The following KCND2 variants were observed in gnomAD, a reference collection of about 807,000 sequenced individuals.
KCND2 encodes A-type voltage-gated potassium channel KCND2.
A neutral mutation model predicts 54.4 loss-of-function variants in KCND2; 16 were observed. The ratio of observed to expected loss-of-function variants is 0.29; its 90% CI spans 0.20 to 0.45. KCND2 has a LOEUF of 0.45. KCND2 is among the 20% of genes least tolerant of loss of function. The pLI is 1.00. For missense variants in KCND2, 486 were observed against 824.2 expected (o/e 0.59, Z 5.02); for synonymous variants, 317 against 310.7 (o/e 1.02, Z -0.21).
chr7:120,430,315 G>A (rs142761022), intron 1 of KCND2, among the ~76,000 whole-genome samples: 297 of 152,060 alleles, frequency 2.0e-3, no homozygotes, highest in African/African-American at 6.6e-3. Context: ...ACTCTAGAGC[G>A]CAACTATTAT....
intron 1 of KCND2, among the ~76,000 whole-genome samples, chr7:120,683,446 G>A (rs946067072): frequency 2.0e-5 from 3 of 152,068 alleles, no homozygotes; most frequent in African/African-American, 7.2e-5. Context: ...CACAATAGAA[G>A]CACTAATTTG....
chr7:120,681,847 T>C (rs1026402652), intron 1 of KCND2, among the ~76,000 whole-genome samples: 4 of 152,154 alleles, frequency 2.6e-5, no homozygotes, highest in African/African-American at 9.6e-5. Flanking sequence ...CGAATGTCCA[T>C]ATAAAATGGC....
At chr7:120,567,947 T>C (rs1219641622) in intron 1 of KCND2, among the ~76,000 whole-genome samples, 1 of 152,132 alleles carries the variant, frequency 6.6e-6, no homozygotes, top group Non-Finnish European at 1.5e-5. Context: ...CAATGATGCA[T>C]GTAATATTCT....
intron 1 of KCND2, among the ~76,000 whole-genome samples, chr7:120,420,556 A>G (rs62472263): frequency 0.1 from 15,563 of 152,200 alleles, 832 homozygotes; most frequent in Admixed American, 0.13. Flanking sequence ...GCAGAGAGGT[A>G]CTGGGTGCTT....
intron 1 of KCND2, among the ~76,000 whole-genome samples, chr7:120,475,345 C>G (rs1347612910): frequency 6.6e-6 from 1 of 152,132 alleles, no homozygotes; most frequent in Non-Finnish European, 1.5e-5. Context: ...GCACATTGTA[C>G]TTTTCATCAC....
chr7:120,687,942 G>A (rs943008594), intron 1 of KCND2, among the ~76,000 whole-genome samples: 1 of 152,120 alleles, frequency 6.6e-6, no homozygotes, highest in African/African-American at 2.4e-5. Context: ...CATAATAAGG[G>A]TAGACAGGTA....
intron 1 of KCND2, among the ~76,000 whole-genome samples, chr7:120,351,365 TACACACACACACACACACAC>T (rs59756091): frequency 3.4e-4 from 32 of 94,776 alleles, no homozygotes; most frequent in African/African-American, 1.1e-3. Flanking sequence ...TCGAAGAGCA[TACACACACACACACACACAC>T]ACACACACAC....
chr7:120,592,405 G>A (rs185349607), intron 1 of KCND2, among the ~76,000 whole-genome samples: 3 of 152,012 alleles, frequency 2.0e-5, no homozygotes, highest in Non-Finnish European at 2.9e-5. Flanking sequence ...AAAAATTAGC[G>A]GGCGTGGTGG....
intron 1 of KCND2, among the ~76,000 whole-genome samples, chr7:120,714,591 CA>C (rs1792580384): frequency 6.6e-6 from 1 of 152,078 alleles, no homozygotes; most frequent in Non-Finnish European, 1.5e-5. Context: ...ATTCTTTGCT[CA>C]CATTTAATAT....
chr7:120,369,069 G>A lies in KCND2; in HGVS notation c.1115+93322G>A, dbSNP rs141527626. 3.5e-3 allele frequency among the ~76,000 whole-genome samples: 525 copies of A among 151,982 alleles called. 3 individuals are homozygous for A. The highest frequency in any genetic ancestry group is 0.012 in the African/African-American group (501 of 41,520). ...ATTTGGTGTTGTTTTTGTTATCTTT[G>A]ATCCTTCTTTGATAAATGTACATGA... is the stretch of plus-strand genomic sequence containing the variant. On this transcript the variant is annotated intron_variant, in intron 1 of 5. Transcript: ENST00000331113.
intron 1 of KCND2, among the ~76,000 whole-genome samples, chr7:120,361,727 G>C (rs1045900026): frequency 3.3e-5 from 5 of 152,068 alleles, no homozygotes; most frequent in Non-Finnish European, 7.4e-5. Flanking sequence ...ATATTGATTT[G>C]CTATTAAATA....
intron 1 of KCND2, among the ~76,000 whole-genome samples, chr7:120,409,519 T>G (rs1801416616): frequency 6.6e-6 from 1 of 151,972 alleles, no homozygotes; most frequent in Non-Finnish European, 1.5e-5. Flanking sequence ...GCCAACAATG[T>G]ATGAGAGTCT....
intron 1 of KCND2, among the ~76,000 whole-genome samples, chr7:120,612,943 A>G (rs1246127197): frequency 1.3e-5 from 2 of 152,222 alleles, no homozygotes; most frequent in Non-Finnish European, 2.9e-5. Context: ...ATAAATTTAA[A>G]TTGTAAAATA....
intron 1 of KCND2, among the ~76,000 whole-genome samples, chr7:120,487,490 T>G (rs951323872): frequency 1.3e-5 from 2 of 151,910 alleles, no homozygotes; most frequent in Non-Finnish European, 1.5e-5. Flanking sequence ...TAGAATGAAA[T>G]AAAATGCCAT....
intron 1 of KCND2, among the ~76,000 whole-genome samples, chr7:120,652,059 A>G (rs908290008): frequency 2.0e-5 from 3 of 151,540 alleles, no homozygotes; most frequent in African/African-American, 2.4e-5. Flanking sequence ...CAGATAGTGC[A>G]GTCTATCTCT....
chr7:120,602,999 A>G (rs1251585960), intron 1 of KCND2, among the ~76,000 whole-genome samples: 1 of 152,214 alleles, frequency 6.6e-6, no homozygotes. Context: ...AATACAGCAC[A>G]ATATTTCCTG....
chr7:120,411,929 T>A (rs190214519), intron 1 of KCND2, among the ~76,000 whole-genome samples: 19 of 152,102 alleles, frequency 1.2e-4, no homozygotes, highest in African/African-American at 4.3e-4. Flanking sequence ...TAATTGCATC[T>A]TTCAAGATGT....
At chr7:120,693,104 T>A (rs1792291485) in intron 1 of KCND2, among the ~76,000 whole-genome samples, 1 of 152,188 alleles carries the variant, frequency 6.6e-6, no homozygotes, top group Admixed American at 6.5e-5. Flanking sequence ...ACTTCCTGAT[T>A]CTAGGAATTT....
At chr7:120,461,160 C>G (rs17787574) in intron 1 of KCND2, among the ~76,000 whole-genome samples, 1 of 152,048 alleles carries the variant, frequency 6.6e-6, no homozygotes, top group South Asian at 2.1e-4. Context: ...ACCTTTGCCC[C>G]GAGCACCCAG....
Sources: gnomAD v4.1 joint callset for allele counts (sites outside exome capture counted in the v4.1 genomes callset) on GRCh38, gnomAD v4.1.1 for gene constraint, MANE v1.5 for transcripts, NCBI Gene and HGNC (gene_info 2026-07-23, HGNC 2026-07-21) for gene names.